Variants in TIMM21 observed in about 807,000 individuals in gnomAD.
The protein encoded by TIMM21 is translocase of inner mitochondrial membrane 21.
A neutral mutation model predicts 27.7 loss-of-function variants in TIMM21; 30 were observed. The ratio of observed to expected loss-of-function variants is 1.08; its 90% CI spans 0.81 to 1.47. The LOEUF (loss-of-function observed/expected upper bound fraction) is 1.47. TIMM21 is among the 40% of genes most tolerant of loss of function. The pLI, the probability that TIMM21 is intolerant of heterozygous loss-of-function variation, is 0.00. For synonymous variants in TIMM21, 121 were observed against 114.4 expected (o/e 1.06, Z -0.37); for missense variants, 292 against 302.9 (o/e 0.96, Z 0.27).
Position 74,159,143 on chromosome 18 carries a change from T to A in TIMM21, c.*663T>A, listed in dbSNP as rs1980037642. 1 of 153,054 alleles carries A rather than the reference T, an allele frequency of 6.5e-6. No homozygotes were observed. Among genetic ancestry groups the A allele is most frequent in the Non-Finnish European group, 1.5e-5 (1 of 68,880 alleles). The allele number at this position is 153,054 out of a possible 1,614,324, so 9.5% of individuals were successfully genotyped here. ...GTTAGGATGGCAGTGTGATGAGAGG[T>A]ACAAGCCTGGACCATAGAAGGCAGC... On this transcript the variant is annotated 3_prime_UTR_variant, in exon 6 of 6. Transcript: ENST00000169551.
At position 74,154,313 on chromosome 18, in the gene TIMM21, G is replaced by T. The variant is rs567976301; in HGVS notation, c.302-832G>T. 2.0e-3 allele frequency among the ~76,000 whole-genome samples: 293 copies of T among 149,856 alleles called. 1 individual carries two copies. The highest frequency in any genetic ancestry group is 7.0e-3 in the African/African-American group (285 of 40,684). ...GTCTCGCTCTTTCGCCCAGGCCGTA[G>T]TGCAGTGGCGCTATCTTGGCTCACT... is the stretch of plus-strand genomic sequence containing the variant. On this transcript the variant is annotated intron_variant, in intron 1 of 5. Coordinates refer to ENST00000169551, the MANE Select transcript of TIMM21 (RefSeq NM_014177.3).
At chr18:74,155,999 C>A (rs980872632) in intron 3 of TIMM21, among the ~76,000 whole-genome samples, 54 of 152,196 alleles carry the variant, frequency 3.5e-4, no homozygotes, top group Admixed American at 2.6e-3. Context: ...CTCTACCCTT[C>A]CCTGGGAGGA....
At chr18:74,157,570 TTGGAG>T (rs1979983004) in intron 3 of TIMM21, 1 of 155,766 alleles carries the variant, frequency 6.4e-6, no homozygotes, top group African/African-American at 2.4e-5. Flanking sequence ...AGTTTTCTTA[TTGGAG>T]TGGTCATTTT....
intron 3 of TIMM21, among the ~76,000 whole-genome samples, chr18:74,155,925 C>T (rs75544106): frequency 0.015 from 2,224 of 152,200 alleles, 23 homozygotes; most frequent in Non-Finnish European, 0.026. Flanking sequence ...GTGGGGGAAC[C>T]GGAACCCGAA....
chr18:74,151,365 T>C (rs1979796342), intron 1 of TIMM21, among the ~76,000 whole-genome samples: 1 of 152,176 alleles, frequency 6.6e-6, no homozygotes, highest in African/African-American at 2.4e-5. Flanking sequence ...AGTAGCCTTG[T>C]CCGCTGCCCT....
In TIMM21 at chr18:74,158,316, G is replaced by A. The variant is rs369293669; in HGVS notation, c.642+40G>A. On this transcript the variant is annotated intron_variant, in intron 5 of 5. Coordinates refer to ENST00000169551, the MANE Select transcript of TIMM21 (RefSeq NM_014177.3). ...GGATGTGGGGTCAGAGGTTCTGAGC[G>A]CGGTGTTATTTAAGTTCTGGAAAGG... 340 of 1,608,690 alleles carry A rather than the reference G, an allele frequency of 2.1e-4. 2 individuals carry two copies. The highest frequency in any genetic ancestry group is 2.0e-3 in the South Asian group (186 of 90,904).
At chr18:74,149,255 C>T in intron 1 of TIMM21, 146 bp downstream of exon 1, 2 of 857,982 alleles carry the variant, frequency 2.3e-6, no homozygotes, top group Non-Finnish European at 1.8e-6. Flanking sequence ...AGAACTAGAA[C>T]ATATAGATCT....
At chr18:74,149,272 T>A (rs1979717543) in intron 1 of TIMM21, among the ~76,000 whole-genome samples, 163 bp downstream of exon 1, 1 of 152,248 alleles carries the variant, frequency 6.6e-6, no homozygotes, top group Non-Finnish European at 1.5e-5. Context: ...ATCTACAGTT[T>A]TCTTCACAGA....
At position 74,151,511 on chromosome 18, in the gene TIMM21, C is replaced by T. The variant is rs140429621; in HGVS notation, c.301+2402C>T. On this transcript the variant is annotated intron_variant, in intron 1 of 5. Transcript: ENST00000169551. ...CCCACCTTGGCTTCTGTTTAACACC[C>T]CAGCCTGGTCTCTGCTTCATAATTC... 3.9e-3 allele frequency among the ~76,000 whole-genome samples: 593 copies of T among 152,298 alleles called. 1 individual carries two copies. The highest frequency in any genetic ancestry group is 0.014 in the Middle Eastern group (4 of 294).
chr18:74,156,463 A>G, intron 3 of TIMM21: 1 of 394,590 alleles, frequency 2.5e-6, no homozygotes, highest in Non-Finnish European at 4.5e-6. Context: ...ATTTCTCTTC[A>G]TTGAGCTCTG....
intron 1 of TIMM21, among the ~76,000 whole-genome samples, chr18:74,150,303 C>G (rs9948822): frequency 0.088 from 13,383 of 152,238 alleles, 1,094 homozygotes; most frequent in African/African-American, 0.21. Flanking sequence ...TAGAAATGTC[C>G]TATATCTGTG....
At position 74,152,171 on chromosome 18, in the gene TIMM21, G is replaced by T. The variant is rs1979828278; in HGVS notation, c.302-2974G>T. Among the ~76,000 whole-genome samples, 1 of 152,098 alleles carries T rather than the reference G, an allele frequency of 6.6e-6. No homozygotes were observed. Among genetic ancestry groups the T allele is most frequent in the African/African-American group, 2.4e-5 (1 of 41,428 alleles). On this transcript the variant is annotated intron_variant, in intron 1 of 5. Transcript: ENST00000169551. This position sits in a 1 kb window ranked among gnomAD's most constrained non-coding sequence, Gnocchi z 4.1. ...TGCTTCAGGGCTAGAGGGGTCAGGA[G>T]AATTGGGATTCAAGATTTTTTACAA...
At chr18:74,149,615 CG>C (rs1390883833) in intron 1 of TIMM21, among the ~76,000 whole-genome samples, 2 of 151,934 alleles carry the variant, frequency 1.3e-5, no homozygotes, top group African/African-American at 2.4e-5. Context: ...CAATTTAGAC[CG>C]CCATGATTAT....
chr18:74,150,265 C>T (rs1237934287), intron 1 of TIMM21, among the ~76,000 whole-genome samples: 1 of 152,178 alleles, frequency 6.6e-6, no homozygotes, highest in Non-Finnish European at 1.5e-5. Flanking sequence ...ATGTCCAGAA[C>T]AGCATTATTC....
chr18:74,158,548 A>G lies in TIMM21; in HGVS notation c.*68A>G. 1.1e-6 allele frequency: 1 copy of G among 949,946 alleles called. No individual in the cohort carries two copies. Among genetic ancestry groups the G allele is most frequent in the Non-Finnish European group, 1.6e-6 (1 of 609,408 alleles). The allele number at this position is 949,946 out of a possible 1,614,324, so 58.8% of individuals were successfully genotyped here. Reference sequence around the variant, plus strand: ...TCCGTTCTTCACAGCTGCCTTCCAGAATGTGTTCAAAAGAAAGACAAGAAG... The same window carrying G: ...TCCGTTCTTCACAGCTGCCTTCCAGGATGTGTTCAAAAGAAAGACAAGAAG... On this transcript the variant is annotated 3_prime_UTR_variant, in exon 6 of 6. Transcript: ENST00000169551.
rs1980065564 is a variant in TIMM21, at chr18:74,160,247, A to T, written c.*1767A>T. On this transcript the variant is annotated 3_prime_UTR_variant, in exon 6 of 6. Coordinates refer to ENST00000169551, the MANE Select transcript of TIMM21 (RefSeq NM_014177.3). ...GACAGGAGAAGCGCTTGAACCCAGG[A>T]GGCAGAGGTTGCAGTGAGCCAAGAT... 2 of 151,658 alleles carry T rather than the reference A, an allele frequency of 1.3e-5. No homozygotes were observed. Among genetic ancestry groups the T allele is most frequent in the Non-Finnish European group, 2.9e-5 (2 of 67,992 alleles). The allele number at this position is 151,658 out of a possible 1,614,324, so 9.4% of individuals were successfully genotyped here.
At chr18:74,154,286 G>C (rs71359037) in intron 1 of TIMM21, among the ~76,000 whole-genome samples, 1 of 147,248 alleles carries the variant, frequency 6.8e-6, no homozygotes, top group East Asian at 2.0e-4. Flanking sequence ...TTTTTGGACG[G>C]AGTCTCGCTC....
At chr18:74,154,832 C>T (rs1979906223) in intron 1 of TIMM21, among the ~76,000 whole-genome samples, 1 of 152,160 alleles carries the variant, frequency 6.6e-6, no homozygotes, top group African/African-American at 2.4e-5. Context: ...AGTCCCTTAC[C>T]CATTTGGTTG....
Position 74,155,305 on chromosome 18 carries a change from G to A in TIMM21, c.365-1G>A, listed in dbSNP as rs1163841721. On this transcript the variant is annotated splice_acceptor_variant, in intron 2 of 5. Coordinates refer to ENST00000169551, the MANE Select transcript of TIMM21 (RefSeq NM_014177.3). LOFTEE classifies it high-confidence loss of function. ...TTCATCTTTGTTTTCTGTGATTTCA[G>A]GTGGCTTGTTTTACACGATTTTCAA... 1.2e-6 allele frequency: 2 copies of A among 1,612,894 alleles called. No individual in the cohort carries two copies. Among genetic ancestry groups the A allele is most frequent in the Admixed American group, 1.7e-5 (1 of 59,774 alleles).
Sources: gnomAD v4.1 joint callset for allele counts (sites outside exome capture counted in the v4.1 genomes callset) on GRCh38, gnomAD v4.1.1 for gene constraint, Gnocchi (gnomAD v3.1) non-coding constraint, MANE v1.5 for transcripts, NCBI Gene and HGNC (gene_info 2026-07-23, HGNC 2026-07-21) for gene names.